PTPRG: variants seen among roughly 807,000 people sequenced by gnomAD.
PTPRG encodes protein tyrosine phosphatase receptor type G.
Under a neutral mutation model 165.3 loss-of-function variants are expected in PTPRG, and 102 were observed. The ratio of observed to expected loss-of-function variants is 0.62; its 90% confidence interval spans 0.53 to 0.73. The LOEUF (loss-of-function observed/expected upper bound fraction) is 0.73. PTPRG is among the 30% of genes least tolerant of loss of function. PTPRG has a pLI of 0.00. For synonymous variants in PTPRG, 675 were observed against 669.5 expected (o/e 1.01, Z -0.13); for missense variants, 1,866 against 1,861.4 (o/e 1.00, Z -0.05).
intron 10 of PTPRG, among the ~76,000 whole-genome samples, chr3:62,199,576 T>C (rs1029355438): frequency 6.7e-6 from 1 of 149,256 alleles, no homozygotes; most frequent in Non-Finnish European, 1.5e-5. Flanking sequence ...GCAAATTCTG[T>C]TTTGTTTTGT....
At chr3:61,644,389 T>C (rs1702145696) in intron 1 of PTPRG, among the ~76,000 whole-genome samples, 1 of 152,210 alleles carries the variant, frequency 6.6e-6, no homozygotes, top group Non-Finnish European at 1.5e-5. Flanking sequence ...GTTTCATCTC[T>C]CGGGAGATGG....
chr3:61,975,860 A>G (rs963208485), intron 2 of PTPRG, among the ~76,000 whole-genome samples: 1 of 152,188 alleles, frequency 6.6e-6, no homozygotes, highest in Admixed American at 6.5e-5. Context: ...GAAAAACAAG[A>G]AAGCCGGCCA....
chr3:61,978,257 G>A (rs879256768), intron 2 of PTPRG, among the ~76,000 whole-genome samples: 3 of 152,232 alleles, frequency 2.0e-5, no homozygotes, highest in Admixed American at 6.5e-5. Flanking sequence ...GTCTTTTGAT[G>A]TTTTTTACCG....
At chr3:62,001,170 G>T (rs541614994) in intron 3 of PTPRG, among the ~76,000 whole-genome samples, 2 of 152,280 alleles carry the variant, frequency 1.3e-5, no homozygotes, top group Non-Finnish European at 2.9e-5. Context: ...TTCCAGTTTT[G>T]TGTGTAAACA....
chr3:61,732,570 A>G (rs1467145827), intron 1 of PTPRG, among the ~76,000 whole-genome samples: 5 of 150,666 alleles, frequency 3.3e-5, no homozygotes, highest in South Asian at 2.1e-4. Flanking sequence ...TTAGCCGCGC[A>G]TGATGGCGAG....
intron 2 of PTPRG, among the ~76,000 whole-genome samples, chr3:61,898,079 G>A (rs1417579372): frequency 6.6e-6 from 1 of 152,088 alleles, no homozygotes; most frequent in Non-Finnish European, 1.5e-5. Context: ...AGAACTTTCA[G>A]TGCTGTGTTG....
At chr3:61,724,384 A>C (rs1559575730) in intron 1 of PTPRG, among the ~76,000 whole-genome samples, 1 of 151,982 alleles carries the variant, frequency 6.6e-6, no homozygotes, top group Non-Finnish European at 1.5e-5. Context: ...AGTTGGTTTA[A>C]TCTTTCACCT....
chr3:62,155,218 C>T (rs141446285), intron 6 of PTPRG, among the ~76,000 whole-genome samples: 2 of 152,292 alleles, frequency 1.3e-5, no homozygotes, highest in East Asian at 1.9e-4. Flanking sequence ...TAGAAAAAGA[C>T]GAATTGAACA....
At position 61,621,049 on chromosome 3, in the gene PTPRG, A is replaced by ATGTGTGTGTGTG. The variant is rs759319362; in HGVS notation, c.85+58678_85+58679insGTGTGTGTGTGT. On this transcript the variant is annotated intron_variant, in intron 1 of 29. Coordinates refer to ENST00000474889, the MANE Select transcript of PTPRG (RefSeq NM_002841.4). ...TGTGTGTGTGTATATATATATATAT[A>ATGTGTGTGTGTG]TATGTGTGTGTGTGTGTGTGTGTGT... 2.4e-4 allele frequency among the ~76,000 whole-genome samples: 25 copies of ATGTGTGTGTGTG among 104,304 alleles called. 1 individual carries two copies. The highest frequency in any genetic ancestry group is 8.1e-4 in the African/African-American group (24 of 29,670). The allele number at this position is 104,304 out of a possible 152,430, so 68.4% of individuals were successfully genotyped here.
chr3:62,057,439 C>T (rs1700669230), intron 4 of PTPRG, among the ~76,000 whole-genome samples: 1 of 152,212 alleles, frequency 6.6e-6, no homozygotes, highest in African/African-American at 2.4e-5. Flanking sequence ...CCAAAGGATG[C>T]CATTTCCTGA....
chr3:61,742,402 A>ATTT, intron 1 of PTPRG: 1 of 786,672 alleles, frequency 1.3e-6, no homozygotes, highest in Non-Finnish European at 1.9e-6. Flanking sequence ...TTGGGTCTGG[A>ATTT]ATTTTTTTTT....
intron 4 of PTPRG, among the ~76,000 whole-genome samples, chr3:62,008,414 G>A (rs953566161): frequency 6.6e-6 from 1 of 152,232 alleles, no homozygotes; most frequent in African/African-American, 2.4e-5. Flanking sequence ...CAAATTGATT[G>A]TATGTGCCCC....
chr3:61,709,352 T>C (rs941815171), intron 1 of PTPRG, among the ~76,000 whole-genome samples: 2 of 152,318 alleles, frequency 1.3e-5, no homozygotes, highest in East Asian at 3.9e-4. Context: ...TCTCGCTCTG[T>C]CACCCAGGCT....
chr3:61,780,725 A>G (rs931022630), intron 2 of PTPRG, among the ~76,000 whole-genome samples: 1 of 152,172 alleles, frequency 6.6e-6, no homozygotes, highest in Non-Finnish European at 1.5e-5. Flanking sequence ...AGACAGTTGT[A>G]TTTGCATCCA....
chr3:62,195,458 C>T lies in PTPRG; in HGVS notation c.1327+288C>T, dbSNP rs140455878. ...GGCCTTTTTCTCGGTCACTGTCCAG[C>T]GCTGTGTCAGATCACACAATCACTT... On this transcript the variant is annotated intron_variant, in intron 10 of 29. Transcript: ENST00000474889. This position sits in a 1 kb window ranked among gnomAD's most constrained non-coding sequence, Gnocchi z 4.4. 1.2e-3 allele frequency among the ~76,000 whole-genome samples: 186 copies of T among 152,290 alleles called. No individual in the cohort carries two copies. Among genetic ancestry groups the T allele is most frequent in the Middle Eastern group, 6.8e-3 (2 of 294 alleles).
At chr3:61,710,017 CA>C (rs2031472146) in intron 1 of PTPRG, among the ~76,000 whole-genome samples, 1 of 152,148 alleles carries the variant, frequency 6.6e-6, no homozygotes, top group African/African-American at 2.4e-5. Flanking sequence ...AAGGGTGAAC[CA>C]GTACTTCCGG....
Position 62,281,725 on chromosome 3 carries a change from G to C in PTPRG, c.3912+16G>C, listed in dbSNP as rs778892053. 1 of 1,603,194 alleles carries C rather than the reference G, an allele frequency of 6.2e-7. No homozygotes were observed. The highest frequency in any genetic ancestry group is 1.1e-5 in the South Asian group (1 of 89,738). On this transcript the variant is annotated intron_variant, in intron 27 of 29. Transcript: ENST00000474889. ...AGCTACACAGGTAACCTAAACCTCA[G>C]TTCCTCACTAATAGCCATACCTGGG...
chr3:61,987,977 A>G (rs2040802107), intron 2 of PTPRG, among the ~76,000 whole-genome samples: 1 of 152,210 alleles, frequency 6.6e-6, no homozygotes. Flanking sequence ...GGAATTTGAC[A>G]AAGAGGTAAA....
intron 2 of PTPRG, among the ~76,000 whole-genome samples, chr3:61,959,287 G>T (rs758204872): frequency 2.6e-4 from 40 of 152,160 alleles, no homozygotes; most frequent in Non-Finnish European, 4.7e-4. Flanking sequence ...ATCTAAGAGA[G>T]GCTCACCTGA....
Sources: allele counts gnomAD v4.1 joint callset (sites outside exome capture counted in the v4.1 genomes callset), GRCh38; gene constraint gnomAD v4.1.1; non-coding constraint Gnocchi (gnomAD v3.1); transcripts MANE v1.5; gene names NCBI Gene and HGNC (gene_info 2026-07-23, HGNC 2026-07-21).